The following CRBN variants were observed in gnomAD, a reference collection of about 807,000 sequenced individuals.
CRBN encodes the protein protein cereblon.
Under a neutral mutation model 62.2 loss-of-function variants are expected in CRBN, and 53 were observed. The ratio of observed to expected loss-of-function variants is 0.85; its 90% CI spans 0.68 to 1.07. CRBN has a LOEUF of 1.07. CRBN is among the 50% of genes least tolerant of loss of function. The pLI, the probability that CRBN is intolerant of heterozygous loss-of-function variation, is 0.00. For synonymous variants in CRBN, 208 were observed against 176.1 expected (o/e 1.18, Z -1.43); for missense variants, 616 against 531.1 (o/e 1.16, Z -1.57).
In CRBN at chr3:3,150,922, G is replaced by A. The variant is rs1706492803; in HGVS notation, c.1272C>T (p.Pro424=). 1.2e-6 allele frequency: 2 copies of A among 1,613,960 alleles called. No individual in the cohort carries two copies. The highest frequency in any genetic ancestry group is 1.3e-5 in the African/African-American group (1 of 75,004). The change falls in exon 11 of 11, where the codon CCC becomes CCT. Residue 424 remains proline, a synonymous_variant. Transcript: ENST00000231948. ...TTTCATCTTCAGTGTCTGGGATCGTGGGCAACAGAGCAGATCGCGTTAAGC... is the reference window on the plus strand; with the variant it reads ...TTTCATCTTCAGTGTCTGGGATCGTAGGCAACAGAGCAGATCGCGTTAAGC... ...FWGLTRSALL[P]TIPDTEDEIS...
chr3:3,162,167 A>T (rs1227401114), intron 5 of CRBN, among the ~76,000 whole-genome samples: 1 of 152,192 alleles, frequency 6.6e-6, no homozygotes, highest in African/African-American at 2.4e-5. Flanking sequence ...TCTGTTTCCC[A>T]TTTGACTTAT....
chr3:3,178,997 C>G (rs1326937527), intron 1 of CRBN, among the ~76,000 whole-genome samples: 1 of 151,980 alleles, frequency 6.6e-6, no homozygotes, highest in Non-Finnish European at 1.5e-5. Flanking sequence ...TCGTACATGC[C>G]TGAGAAAGAC....
intron 5 of CRBN, among the ~76,000 whole-genome samples, chr3:3,158,751 TA>T (rs1707015904): frequency 1.3e-5 from 2 of 152,168 alleles, no homozygotes; most frequent in Non-Finnish European, 2.9e-5. Flanking sequence ...ACAGAGTCAG[TA>T]AATAGGAAGG....
chr3:3,172,673 TAA>T, intron 4 of CRBN, 101 bp downstream of exon 4: 1 of 1,249,566 alleles, frequency 8.0e-7, no homozygotes, highest in Non-Finnish European at 1.2e-6. Flanking sequence ...AACAACTAGT[TAA>T]AAGTTACAAA....
chr3:3,176,008 G>C (rs1184921082), intron 1 of CRBN, among the ~76,000 whole-genome samples: 1 of 152,112 alleles, frequency 6.6e-6, no homozygotes, highest in Non-Finnish European at 1.5e-5. Flanking sequence ...GTGTGTGTCA[G>C]GTTTTTCCGC....
rs963229492 is a variant in CRBN at position 3,151,110 on chromosome 3, C to T, written c.1149-65G>A. ...CTGTACTCCAAGCCTATCATATAAA[C>T]CTATCATGAAGACAGACTTTAGAGG... is the stretch of plus-strand genomic sequence containing the variant. On this transcript the variant is annotated intron_variant, in intron 10 of 10. Transcript: ENST00000231948. The T allele has an allele frequency of 8.4e-6, 13 of 1,554,302 alleles. No homozygotes were observed. The African/African-American group carries it at 1.5e-4, about 18-fold the overall frequency.
rs1251635733 is a variant in CRBN, at chr3:3,172,899, A to G, written c.404T>C (p.Phe135Ser). The change falls in exon 4 of 11, where the codon TTT (phenylalanine) becomes TCT (serine). Residue 135 changes from phenylalanine (F) to serine (S), a missense_variant. Transcript: ENST00000231948. ...YSNVQEREAQ[F>S]GTTAEIYAYR... Reference sequence around the variant, plus strand: ...GGCATATATCTCTGCTGTTGTTCCAAACTGTGCTTCCCTTTCCTGTACATT... The same window carrying G: ...GGCATATATCTCTGCTGTTGTTCCAGACTGTGCTTCCCTTTCCTGTACATT... 5.0e-6 allele frequency: 8 copies of G among 1,613,910 alleles called. No individual in the cohort carries two copies. Among genetic ancestry groups the G allele is most frequent in the Non-Finnish European group, 6.8e-6 (8 of 1,179,814 alleles).
intron 4 of CRBN, among the ~76,000 whole-genome samples, chr3:3,168,662 T>A (rs573744790): frequency 1.3e-5 from 2 of 152,304 alleles, no homozygotes; most frequent in Admixed American, 1.3e-4. Flanking sequence ...TCTAAAGTAG[T>A]CTTTCATAAT....
chr3:3,151,660 T>G (rs755712878), intron 10 of CRBN, among the ~76,000 whole-genome samples: 40 of 152,212 alleles, frequency 2.6e-4, no homozygotes, highest in Non-Finnish European at 5.7e-4. Context: ...TATTCTAGTT[T>G]TAGTCCTCAC....
chr3:3,158,059 T>C (rs745578408), intron 5 of CRBN, among the ~76,000 whole-genome samples: 1 of 152,182 alleles, frequency 6.6e-6, no homozygotes, highest in Non-Finnish European at 1.5e-5. Context: ...TTTGAGACTA[T>C]GCAAAGATCA....
At chr3:3,167,067 C>A (rs1707379905) in intron 5 of CRBN, among the ~76,000 whole-genome samples, 1 of 152,050 alleles carries the variant, frequency 6.6e-6, no homozygotes, top group Admixed American at 6.6e-5. Context: ...CAGGCTCCCT[C>A]AATTTTTTTT....
chr3:3,153,860 T>G, intron 8 of CRBN, 100 bp downstream of exon 8: 1 of 759,706 alleles, frequency 1.3e-6, no homozygotes, highest in Non-Finnish European at 2.4e-6. Flanking sequence ...CATGACTACA[T>G]TACTGGACTC....
intron 1 of CRBN, among the ~76,000 whole-genome samples, chr3:3,176,638 A>T (rs1707834095): frequency 6.6e-6 from 1 of 152,210 alleles, no homozygotes; most frequent in African/African-American, 2.4e-5. Flanking sequence ...GGGGAGGCTG[A>T]GGCAGGAGAA....
rs1706497573 is a variant in CRBN, at chr3:3,150,969, T to G, written c.1225A>C (p.Met409Leu). Residue 409 changes from methionine to leucine, a missense_variant, in exon 11 of 11, where the codon ATG becomes CTG. By Grantham distance (15) the Met-to-Leu change is conservative. Coordinates refer to ENST00000231948, the MANE Select transcript of CRBN (RefSeq NM_016302.4). Reference sequence around the variant, plus strand: ...AAGCCCCAAAATTTTTGAGGTGACATGTCTTTTTTGGTGGCCGTAAACTTC... The same window carrying G: ...AAGCCCCAAAATTTTTGAGGTGACAGGTCTTTTTTGGTGGCCGTAAACTTC... ...GWKFTATKKD[M>L]SPQKFWGLTR... The G allele has an allele frequency of 1.9e-6, 3 of 1,613,936 alleles. No homozygotes were observed. The highest frequency in any genetic ancestry group is 2.7e-5 in the African/African-American group (2 of 74,928).
chr3:3,176,853 C>T lies in CRBN; in HGVS notation c.68-1584G>A, dbSNP rs144535831. On this transcript the variant is annotated intron_variant, in intron 1 of 10. Coordinates refer to ENST00000231948, the MANE Select transcript of CRBN (RefSeq NM_016302.4). Reference sequence around the variant, plus strand: ...ATTTTAAAAGAATGTCTTAGAAAACCAGATGTTACCAATGACAGCAAAGAA... The same window carrying T: ...ATTTTAAAAGAATGTCTTAGAAAACTAGATGTTACCAATGACAGCAAAGAA... Among the ~76,000 whole-genome samples the T allele has an allele frequency of 9.0e-4, 137 of 152,292 alleles. 5 individuals carry two copies. The East Asian group carries it at 0.024, about 27-fold the overall frequency.
chr3:3,164,429 G>A (rs781112459), intron 5 of CRBN, among the ~76,000 whole-genome samples: 10 of 152,116 alleles, frequency 6.6e-5, no homozygotes, highest in Non-Finnish European at 1.0e-4. Context: ...ACAAATTTCC[G>A]TTGAGCCAAA....
intron 2 of CRBN, among the ~76,000 whole-genome samples, chr3:3,174,619 TG>T (rs1707757132): frequency 6.6e-6 from 1 of 151,924 alleles, no homozygotes; most frequent in Non-Finnish European, 1.5e-5. Context: ...CACTCGAGCT[TG>T]GGCGACAGAG....
chr3:3,165,962 A>G (rs1707310801), intron 5 of CRBN, among the ~76,000 whole-genome samples: 1 of 152,214 alleles, frequency 6.6e-6, no homozygotes, highest in Admixed American at 6.5e-5. Flanking sequence ...ACTGACAGTG[A>G]TCACTGACAT....
chr3:3,177,725 G>C (rs1707882981), intron 1 of CRBN, among the ~76,000 whole-genome samples: 1 of 152,084 alleles, frequency 6.6e-6, no homozygotes, highest in African/African-American at 2.4e-5. Flanking sequence ...AATTTCTTTA[G>C]TAACCTTTTT....
Sources: allele counts gnomAD v4.1 joint callset (sites outside exome capture counted in the v4.1 genomes callset), GRCh38; gene constraint gnomAD v4.1.1; transcripts MANE v1.5; gene names NCBI Gene and HGNC (gene_info 2026-07-23, HGNC 2026-07-21).